Variants in DENND2B observed in about 807,000 individuals in gnomAD.
DENND2B encodes the protein DENN domain containing 2B, also known as DENN domain-containing protein 2B.
DENND2B carries 32 observed loss-of-function variants against 116.0 expected under a neutral mutation model. The ratio of observed to expected loss-of-function variants is 0.28; its 90% CI spans 0.21 to 0.37. The LOEUF (loss-of-function observed/expected upper bound fraction) is 0.37. Ranked by LOEUF, DENND2B falls within the 10% of genes least tolerant of loss-of-function variation. The pLI is 1.00. For missense variants in DENND2B, 1,276 were observed against 1,477.7 expected, an observed-to-expected ratio of 0.86 and a Z score of 2.24; for synonymous variants, 588 against 583.9, an observed-to-expected ratio of 1.01 and a Z score of -0.10.
intron 19 of DENND2B, among the ~76,000 whole-genome samples, 188 bp downstream of exon 19, chr11:8,695,275 T>C (rs769603033): frequency 6.6e-6 from 1 of 152,172 alleles, no homozygotes; most frequent in South Asian, 2.1e-4. Flanking sequence ...GAAGGACCAC[T>C]ACTGTGCAAA....
chr11:8,875,847 T>TCTTTTGA (rs2063835423), upstream of DENND2B, among the ~76,000 whole-genome samples: 1 of 152,190 alleles, frequency 6.6e-6, no homozygotes. Context: ...CAACTTACAA[T>TCTTTTGA]CTTTTGACTT....
intron 1 of DENND2B, among the ~76,000 whole-genome samples, chr11:8,807,373 A>G (rs1057023746): frequency 6.6e-5 from 10 of 152,290 alleles, no homozygotes; most frequent in Admixed American, 5.9e-4. Flanking sequence ...TCTTAGAATC[A>G]GATGCGGTGG....
In DENND2B at chr11:8,730,626, A is replaced by G; in HGVS notation, c.664T>C (p.Phe222Leu). The change falls in exon 3 of 20, where the codon TTC becomes CTC. Residue 222 changes from phenylalanine to leucine, a missense_variant. This residue lies in a region of DENND2B where 856 missense variants were observed against 846.6 expected (regional missense o/e 1.01). Transcript: ENST00000313726. The surrounding 1 kb of genome is among the most constrained non-coding windows in gnomAD (Gnocchi z 4.1). ...SPCSSEKTFD[F>L]KGLRRMSRTF... Reference sequence around the variant, plus strand: ...CTGCTCATCCTCCGGAGGCCCTTGAAATCAAAGGTCTTTTCAGAGCTGCAG... The same window carrying G: ...CTGCTCATCCTCCGGAGGCCCTTGAGATCAAAGGTCTTTTCAGAGCTGCAG... The G allele has an allele frequency of 6.2e-7, 1 of 1,612,892 alleles. No homozygotes were observed. Among genetic ancestry groups the G allele is most frequent in the East Asian group, 2.2e-5 (1 of 44,840 alleles).
At chr11:8,794,469 C>T (rs555415419) in intron 1 of DENND2B, among the ~76,000 whole-genome samples, 8 of 152,290 alleles carry the variant, frequency 5.3e-5, no homozygotes, top group South Asian at 4.1e-4. Context: ...TATGGGTAGC[C>T]GTCTCCCTTC....
At chr11:8,859,299 TTTGTTTG>T (rs2063309383) in intron 2 of DENND2B, among the ~76,000 whole-genome samples, 2 of 83,530 alleles carry the variant, frequency 2.4e-5, no homozygotes, top group East Asian at 2.1e-4. Flanking sequence ...TGTTTTTTTG[TTTGTTTG>T]TTTGTTTGTT....
At chr11:8,698,722 A>G (rs961588277) in intron 16 of DENND2B, among the ~76,000 whole-genome samples, 1 of 152,096 alleles carries the variant, frequency 6.6e-6, no homozygotes, top group Admixed American at 6.5e-5. Context: ...AAATTCCCAC[A>G]CTGCCTTCTA....
chr11:8,778,318 C>T (rs1181796626), intron 1 of DENND2B, among the ~76,000 whole-genome samples: 2 of 152,298 alleles, frequency 1.3e-5, no homozygotes, highest in East Asian at 1.9e-4. Context: ...GCCTTCCACA[C>T]AGCCACCCCT....
intron 1 of DENND2B, among the ~76,000 whole-genome samples, chr11:8,777,530 G>A (rs1291933889): frequency 6.6e-6 from 1 of 152,124 alleles, no homozygotes; most frequent in Non-Finnish European, 1.5e-5. Context: ...GTCACATATG[G>A]TCCAAGAAAG....
chr11:8,792,887 A>G (rs764007068), intron 1 of DENND2B, among the ~76,000 whole-genome samples: 5 of 152,230 alleles, frequency 3.3e-5, no homozygotes, highest in Non-Finnish European at 5.9e-5. Flanking sequence ...TATAATGAGC[A>G]CACCCTTTGA....
At chr11:8,732,136 T>C (rs930923441) in intron 2 of DENND2B, among the ~76,000 whole-genome samples, 4 of 152,180 alleles carry the variant, frequency 2.6e-5, no homozygotes, top group African/African-American at 7.2e-5. Flanking sequence ...GCCAACTCCT[T>C]AGGCAGCTCC....
upstream of DENND2B, among the ~76,000 whole-genome samples, chr11:8,874,849 C>G (rs1179038323): frequency 6.6e-6 from 1 of 152,066 alleles, no homozygotes; most frequent in Non-Finnish European, 1.5e-5. Flanking sequence ...TGCTTGAGCC[C>G]AGGAGGTCCT....
At chr11:8,781,615 T>TAC (rs35118063) in intron 1 of DENND2B, among the ~76,000 whole-genome samples, 2,803 of 148,996 alleles carry the variant, frequency 0.019, 32 homozygotes, top group Middle Eastern at 0.077. Flanking sequence ...AATTTAGGAA[T>TAC]ACACACACAC....
chr11:8,870,287 G>C (rs1026080544), intron 2 of DENND2B, among the ~76,000 whole-genome samples: 1 of 152,144 alleles, frequency 6.6e-6, no homozygotes, highest in African/African-American at 2.4e-5. Flanking sequence ...AGAAACACTT[G>C]AAAACATTGT....
At chr11:8,817,367 C>T (rs1396032671) in intron 4 of DENND2B, among the ~76,000 whole-genome samples, 2 of 152,160 alleles carry the variant, frequency 1.3e-5, no homozygotes, top group East Asian at 3.9e-4. Context: ...CTGGCAGGAC[C>T]TGCACAGTGT....
intron 2 of DENND2B, among the ~76,000 whole-genome samples, chr11:8,858,809 G>A (rs1389884883): frequency 6.6e-6 from 1 of 152,130 alleles, no homozygotes; most frequent in African/African-American, 2.4e-5. Flanking sequence ...TATAAGCTGT[G>A]TGAGCTCAAG....
chr11:8,728,887 T>C (rs1443053682), intron 3 of DENND2B, among the ~76,000 whole-genome samples: 2 of 152,230 alleles, frequency 1.3e-5, no homozygotes, highest in African/African-American at 4.8e-5. Flanking sequence ...AGAATGTTTA[T>C]AGAAATGGAT....
At chr11:8,750,916 G>A (rs556139416) in intron 1 of DENND2B, among the ~76,000 whole-genome samples, 191 bp from the exon 2 acceptor site, 1 of 152,296 alleles carries the variant, frequency 6.6e-6, no homozygotes, top group South Asian at 2.1e-4. Context: ...CCTGGAATAC[G>A]GAGGAGTGTG....
rs66775319 is a variant in DENND2B at position 8,702,732 on chromosome 11, CGAT to C, written c.2572-15_2572-13del. ...CGCAGCTCTAACACCTGCAGGAGAG[CGAT>C]GGGAAAGTGGGCCGGGGCCAGCCAA... On this transcript the variant is annotated splice_polypyrimidine_tract_variant and intron_variant, in intron 13 of 19. Transcript: ENST00000313726. This position sits in a 1 kb window ranked among gnomAD's most constrained non-coding sequence, Gnocchi z 4.6. 0.084 allele frequency: 134,521 copies of C among 1,610,346 alleles called. 6,263 individuals are homozygous for C. Among genetic ancestry groups the C allele is most frequent in the Middle Eastern group, 0.1 (621 of 5,956 alleles).
chr11:8,872,759 A>G (rs2063802895), upstream of DENND2B, among the ~76,000 whole-genome samples: 1 of 152,172 alleles, frequency 6.6e-6, no homozygotes, highest in South Asian at 2.1e-4. Context: ...TTGCTTCTAC[A>G]TTAGGAAAGC....
Sources: gnomAD v4.1 joint callset for allele counts (sites outside exome capture counted in the v4.1 genomes callset) on GRCh38, gnomAD v4.1.1 for gene constraint, gnomAD v4.1.1 regional missense constraint, Gnocchi (gnomAD v3.1) non-coding constraint, MANE v1.5 for transcripts, NCBI Gene and HGNC (gene_info 2026-07-23, HGNC 2026-07-21) for gene names.